PHF10: variants seen among roughly 807,000 people sequenced by gnomAD.
PHF10 encodes the protein BRG1-associated factor 45a.
A neutral mutation model predicts 68.5 loss-of-function variants in PHF10; 51 were observed. The ratio of observed to expected loss-of-function variants is 0.74; its 90% confidence interval spans 0.59 to 0.94. The LOEUF (loss-of-function observed/expected upper bound fraction) is 0.94, where lower values mean the gene tolerates loss of function less well. Among genes scored for constraint, PHF10 ranks in the 40% least tolerant of loss-of-function variants. The pLI is 0.00. For missense variants in PHF10, 460 were observed against 602.6 expected, an observed-to-expected ratio of 0.76 and a Z score of 2.48; for synonymous variants, 204 against 203.5, an observed-to-expected ratio of 1.00 and a Z score of -0.02.
intron 9 of PHF10, among the ~76,000 whole-genome samples, chr6:169,706,738 ACACACACAC>A: frequency 1.5e-5 from 1 of 65,014 alleles, no homozygotes; most frequent in Admixed American, 1.5e-4. Flanking sequence ...ACACACACAC[ACACACACAC>A]ACACACACAC....
intron 8 of PHF10, among the ~76,000 whole-genome samples, chr6:169,711,842 G>A (rs1788931847): frequency 6.6e-6 from 1 of 152,074 alleles, no homozygotes; most frequent in Non-Finnish European, 1.5e-5. Context: ...TGTCATCACT[G>A]GGATCAAAGC....
intron 3 of PHF10, among the ~76,000 whole-genome samples, chr6:169,718,251 T>C (rs1295634617): frequency 6.6e-6 from 1 of 152,246 alleles, no homozygotes; most frequent in African/African-American, 2.4e-5. Flanking sequence ...AACTTGACTA[T>C]AAAATGATTT....
intron 1 of PHF10, 21 bp downstream of exon 1, chr6:169,723,824 T>G (rs948226806): frequency 1.1e-6 from 1 of 928,636 alleles, no homozygotes; most frequent in African/African-American, 1.8e-5. Flanking sequence ...CAGGGTCGGG[T>G]CGCACCGGCC....
rs1562988194 is a variant in PHF10 at position 169,717,912 on chromosome 6, A to C, written c.326-6T>G. 6.8e-6 allele frequency: 10 copies of C among 1,464,230 alleles called. No homozygotes were observed. The highest frequency in any genetic ancestry group is 9.4e-6 in the Non-Finnish European group (10 of 1,058,744). The allele number at this position is 1,464,230 out of a possible 1,614,324, so 90.7% of individuals were successfully genotyped here. On this transcript the variant is annotated splice_polypyrimidine_tract_variant and splice_region_variant and intron_variant, in intron 3 of 11. Transcript: ENST00000339209. ...CAAATCTCGTCGCTCTAAATCTCCA[A>C]AAAAAAGATCAAAAGACTATTAAAA...
chr6:169,716,115 TAAAG>T (rs1322080887), intron 4 of PHF10, 27 bp from the exon 5 acceptor site: 2 of 1,489,726 alleles, frequency 1.3e-6, no homozygotes, highest in South Asian at 1.3e-5. Context: ...AATAAAAAAA[TAAAG>T]AAGCTCTTTT....
chr6:169,718,641 C>T (rs1789106886), intron 3 of PHF10, 147 bp downstream of exon 3: 1 of 549,034 alleles, frequency 1.8e-6, no homozygotes. Context: ...GCGCTCTAGC[C>T]TGGGTTACAG....
chr6:169,720,767 C>T (rs1035322130), intron 2 of PHF10, among the ~76,000 whole-genome samples: 2 of 152,146 alleles, frequency 1.3e-5, no homozygotes, highest in African/African-American at 2.4e-5. Context: ...CAATGAATTT[C>T]ACACTTAAAA....
rs1050864457 is a variant in PHF10 at position 169,724,091 on chromosome 6, G to A, written c.-160C>T. Reference sequence around the variant, plus strand: ...CGCCCGGGGGCCGGCCCCTGCCGCCGCGCGCCCCGCGGCCCGCCAGCGCCG... The same window carrying A: ...CGCCCGGGGGCCGGCCCCTGCCGCCACGCGCCCCGCGGCCCGCCAGCGCCG... On this transcript the variant is annotated 5_prime_UTR_variant, in exon 1 of 12. Transcript: ENST00000339209. The A allele has an allele frequency of 2.2e-5, 3 of 139,304 alleles. No homozygotes were observed. Among genetic ancestry groups the A allele is most frequent in the Admixed American group, 7.0e-5 (1 of 14,210 alleles). 8.6% of individuals were successfully genotyped at this position (139,304 alleles called of 1,614,324 possible).
chr6:169,718,734 G>T, intron 3 of PHF10, 54 bp downstream of exon 3: 1 of 996,848 alleles, frequency 1.0e-6, no homozygotes, highest in Non-Finnish European at 1.5e-6. Context: ...AGTTGACAGT[G>T]TATCATAAAG....
chr6:169,715,925 T>TA (rs748761775), intron 5 of PHF10, 30 bp downstream of exon 5: 4 of 1,595,762 alleles, frequency 2.5e-6, no homozygotes, highest in Non-Finnish European at 3.4e-6. Flanking sequence ...CCAACCCAAA[T>TA]AAAAAATGCC....
intron 9 of PHF10, chr6:169,709,608 A>G (rs143199285): frequency 1.3e-5 from 2 of 152,350 alleles, no homozygotes; most frequent in Admixed American, 6.5e-5. Flanking sequence ...TCTGAGGATA[A>G]TCAGATCAAC....
At position 169,712,377 on chromosome 6, in the gene PHF10, T is replaced by A. The variant is rs757108162; in HGVS notation, c.957+9A>T. The A allele has an allele frequency of 6.2e-7, 1 of 1,611,932 alleles. No homozygotes were observed. The highest frequency in any genetic ancestry group is 8.5e-7 in the Non-Finnish European group (1 of 1,178,312). On this transcript the variant is annotated intron_variant, in intron 8 of 11. Transcript: ENST00000339209. The stretch of plus-strand genomic sequence containing the variant: ...GGAAATGCTTCCTACTAGAGAGAAA[T>A]GTTCTCACCGAAGTGCCTTTATTTT...
intron 7 of PHF10, among the ~76,000 whole-genome samples, chr6:169,714,509 C>G (rs1340105811): frequency 6.6e-6 from 1 of 152,170 alleles, no homozygotes; most frequent in Non-Finnish European, 1.5e-5. Context: ...CAAACCCAAA[C>G]AGAATGGGCA....
At position 169,715,950 on chromosome 6, in the gene PHF10, C is replaced by T. The variant is rs779861094; in HGVS notation, c.543+5G>A. The T allele has an allele frequency of 6.2e-7, 1 of 1,602,628 alleles. No homozygotes were observed. The highest frequency in any genetic ancestry group is 8.5e-7 in the Non-Finnish European group (1 of 1,174,330). On this transcript the variant is annotated splice_donor_5th_base_variant and intron_variant, in intron 5 of 11. Transcript: ENST00000339209. Reference sequence around the variant, plus strand: ...TAAAAAATGCCAGTCACCTCAATTACTTACGGAATACTCTTTATAATGGTC... The same window carrying T: ...TAAAAAATGCCAGTCACCTCAATTATTTACGGAATACTCTTTATAATGGTC...
chr6:169,716,290 A>C (rs1391341034), intron 4 of PHF10, among the ~76,000 whole-genome samples: 1 of 152,198 alleles, frequency 6.6e-6, no homozygotes, highest in Admixed American at 6.5e-5. Flanking sequence ...ATTATCTTGC[A>C]AAAGGCAAAT....
chr6:169,720,471 A>G (rs991741815), intron 2 of PHF10, among the ~76,000 whole-genome samples: 2 of 152,228 alleles, frequency 1.3e-5, no homozygotes, highest in African/African-American at 4.8e-5. Flanking sequence ...TCAGCCTTAA[A>G]AACAGAAAAA....
chr6:169,710,399 T>A lies in PHF10; in HGVS notation c.958-8A>T. On this transcript the variant is annotated splice_polypyrimidine_tract_variant and splice_region_variant and intron_variant, in intron 8 of 11. Coordinates refer to ENST00000339209, the MANE Select transcript of PHF10 (RefSeq NM_018288.4). ...ATTGCCAGAGGAGCTGTCCTGGAGT[T>A]TAAAAGGCAAAAACAAAGATTCTTT... is the stretch of plus-strand genomic sequence containing the variant. 6.2e-7 allele frequency: 1 copy of A among 1,604,992 alleles called. No homozygotes were observed.
In PHF10 at chr6:169,710,220, G is replaced by A; in HGVS notation, c.1113+16C>T. On this transcript the variant is annotated intron_variant, in intron 9 of 11. Transcript: ENST00000339209. ...TGGTCAGTAAAGAAGCTGAGTCAGGGGCTTTTTTCTTCTACCTTGTACCCA... is the reference window on the plus strand; with the variant it reads ...TGGTCAGTAAAGAAGCTGAGTCAGGAGCTTTTTTCTTCTACCTTGTACCCA... 1 of 1,566,612 alleles carries A rather than the reference G, an allele frequency of 6.4e-7. No individual in the cohort carries two copies. Among genetic ancestry groups the A allele is most frequent in the Non-Finnish European group, 8.6e-7 (1 of 1,160,250 alleles).
At chr6:169,717,500 T>C (rs74958830) in intron 4 of PHF10, among the ~76,000 whole-genome samples, 9 of 152,222 alleles carry the variant, frequency 5.9e-5, no homozygotes, top group Non-Finnish European at 8.8e-5. Flanking sequence ...GTGTTGAATA[T>C]GTCATGTGAC....
Sources: gnomAD v4.1 joint callset for allele counts (sites outside exome capture counted in the v4.1 genomes callset) on GRCh38, gnomAD v4.1.1 for gene constraint, MANE v1.5 for transcripts, NCBI Gene and HGNC (gene_info 2026-07-23, HGNC 2026-07-21) for gene names.